Variants in WWOX observed in about 807,000 individuals in gnomAD.
WWOX encodes the protein WW domain-containing oxidoreductase.
In WWOX, 69 loss-of-function variants were observed where a neutral mutation model predicts 46.2. The ratio of observed to expected loss-of-function variants is 1.49; its 90% CI spans 1.23 to 1.82. The LOEUF is 1.82. WWOX is among the 40% of genes most tolerant of loss of function. The probability of loss-of-function intolerance (pLI) is 0.00; values close to 1 mark genes in which losing one functional copy is unlikely to be tolerated. For synonymous variants in WWOX, 359 were observed against 202.6 expected (o/e 1.77, Z -6.56); for missense variants, 919 against 542.6 (o/e 1.69, Z -6.89).
chr16:78,501,195 T>C lies in WWOX; in HGVS notation c.1056+68443T>C, dbSNP rs148087634. Among the ~76,000 whole-genome samples, 47 of 85,590 alleles carry C rather than the reference T, an allele frequency of 5.5e-4. 1 individual carries two copies. Among genetic ancestry groups the C allele is most frequent in the African/African-American group, 1.5e-3 (40 of 26,538 alleles). The allele number at this position is 85,590 out of a possible 152,430, so 56.2% of individuals were successfully genotyped here. A position where few individuals can be genotyped will look rare whatever the true frequency, so the allele number is the denominator to read the frequency against. Reference sequence around the variant, plus strand: ...TTTCTTTCTCTCTCTTTCTTTCTCTTTTTTTTTTTTTGAAAAACTTTTTTG... The same window carrying C: ...TTTCTTTCTCTCTCTTTCTTTCTCTCTTTTTTTTTTTGAAAAACTTTTTTG... On this transcript the variant is annotated intron_variant, in intron 8 of 8. Transcript: ENST00000566780.
chr16:78,959,771 A>G (rs966830589), intron 8 of WWOX, among the ~76,000 whole-genome samples: 7 of 152,204 alleles, frequency 4.6e-5, no homozygotes, highest in African/African-American at 1.7e-4. Flanking sequence ...TGAATCCGAG[A>G]CAAGTGAGGG....
At chr16:78,801,976 G>A (rs1040291192) in intron 8 of WWOX, among the ~76,000 whole-genome samples, 1 of 152,124 alleles carries the variant, frequency 6.6e-6, no homozygotes, top group Non-Finnish European at 1.5e-5. Context: ...CTGCCTTGCA[G>A]AGAATTAACC....
chr16:78,365,287 T>G (rs1409391187), intron 5 of WWOX, among the ~76,000 whole-genome samples: 1 of 152,160 alleles, frequency 6.6e-6, no homozygotes, highest in Non-Finnish European at 1.5e-5. Flanking sequence ...GTGAAACCGC[T>G]GGAGGAAGCT....
At chr16:78,254,700 A>G (rs992217050) in intron 5 of WWOX, among the ~76,000 whole-genome samples, 2 of 150,870 alleles carry the variant, frequency 1.3e-5, no homozygotes, top group East Asian at 3.9e-4. Flanking sequence ...GCTAATTTTT[A>G]TATTTTTTGG....
intron 8 of WWOX, among the ~76,000 whole-genome samples, chr16:78,547,394 C>G (rs922108060): frequency 6.6e-6 from 1 of 152,112 alleles, no homozygotes; most frequent in African/African-American, 2.4e-5. Flanking sequence ...AGCTCACAAA[C>G]GACACAGCAT....
intron 8 of WWOX, among the ~76,000 whole-genome samples, chr16:79,153,372 G>A (rs1354170065): frequency 1.3e-5 from 2 of 152,122 alleles, no homozygotes; most frequent in Admixed American, 6.5e-5. Context: ...TCCAAGCAGA[G>A]CCCTCCTCTG....
intron 5 of WWOX, among the ~76,000 whole-genome samples, chr16:78,322,513 A>G (rs2080506654): frequency 6.6e-6 from 1 of 152,316 alleles, no homozygotes; most frequent in African/African-American, 2.4e-5. Context: ...CAATTTAAGG[A>G]TGGGGAAAGT....
At chr16:78,937,587 G>A (rs1047341065) in intron 8 of WWOX, among the ~76,000 whole-genome samples, 7 of 147,900 alleles carry the variant, frequency 4.7e-5, no homozygotes, top group Admixed American at 3.4e-4. Context: ...CTGCCACCGT[G>A]CCCAGCTATA....
intron 8 of WWOX, among the ~76,000 whole-genome samples, chr16:78,647,698 G>T (rs1397098595): frequency 2.6e-5 from 4 of 152,174 alleles, no homozygotes; most frequent in Admixed American, 2.0e-4. Flanking sequence ...AAAATAGTCT[G>T]CAGGGTGACT....
chr16:78,674,829 A>AT (rs5818159), intron 8 of WWOX, among the ~76,000 whole-genome samples: 85,134 of 147,912 alleles, frequency 0.58, 24,598 homozygotes, highest in Admixed American at 0.64. Context: ...TTCATTTTTC[A>AT]TTTTTTTTTT....
At chr16:78,577,928 C>G (rs1378195639) in intron 8 of WWOX, among the ~76,000 whole-genome samples, 1 of 152,038 alleles carries the variant, frequency 6.6e-6, no homozygotes, top group African/African-American at 2.4e-5. Flanking sequence ...CAGTTGTACC[C>G]TTGTGGCCAC....
chr16:78,767,286 A>T (rs371844441), intron 8 of WWOX, among the ~76,000 whole-genome samples: 10 of 151,712 alleles, frequency 6.6e-5, no homozygotes, highest in Admixed American at 3.3e-4. Flanking sequence ...GGCTTTTTAA[A>T]TTTATTTTTA....
chr16:78,518,764 C>T (rs1567618409), intron 8 of WWOX, among the ~76,000 whole-genome samples: 1 of 152,080 alleles, frequency 6.6e-6, no homozygotes, highest in Admixed American at 6.5e-5. Context: ...GGCCAGCTTC[C>T]TAGGAGGTGT....
intron 8 of WWOX, among the ~76,000 whole-genome samples, chr16:78,624,241 T>C: frequency 6.6e-6 from 1 of 151,808 alleles, no homozygotes; most frequent in South Asian, 2.1e-4. Context: ...CATGTTCCCT[T>C]CGGAAAACTC....
chr16:78,774,395 G>A (rs1027703272), intron 8 of WWOX, among the ~76,000 whole-genome samples: 14 of 151,970 alleles, frequency 9.2e-5, no homozygotes, highest in Non-Finnish European at 2.1e-4. Flanking sequence ...GCGAGACAAT[G>A]TCTCAAAAAA....
intron 8 of WWOX, among the ~76,000 whole-genome samples, chr16:79,153,654 G>A (rs924508923): frequency 6.6e-6 from 1 of 152,056 alleles, no homozygotes. Context: ...TCATAAATTG[G>A]GGATCATAGA....
chr16:78,452,220 C>G (rs926001531), intron 8 of WWOX, among the ~76,000 whole-genome samples: 1 of 152,146 alleles, frequency 6.6e-6, no homozygotes, highest in African/African-American at 2.4e-5. Flanking sequence ...ATTGTCCGCA[C>G]TCATAAAAAG....
intron 8 of WWOX, among the ~76,000 whole-genome samples, chr16:79,084,867 A>G (rs1313894926): frequency 6.6e-6 from 1 of 152,338 alleles, no homozygotes; most frequent in East Asian, 1.9e-4. Flanking sequence ...TTGTACATAT[A>G]TGTATATTTT....
At chr16:78,667,935 C>T (rs1364296) in intron 8 of WWOX, among the ~76,000 whole-genome samples, 6,734 of 152,180 alleles carry the variant, frequency 0.044, 510 homozygotes, top group African/African-American at 0.15. Context: ...TCACATCACA[C>T]TCTGTGCTGC....
Sources: allele counts gnomAD v4.1 joint callset (sites outside exome capture counted in the v4.1 genomes callset), GRCh38; gene constraint gnomAD v4.1.1; transcripts MANE v1.5; gene names NCBI Gene and HGNC (gene_info 2026-07-23, HGNC 2026-07-21).